CTSH: variants seen among roughly 807,000 people sequenced by gnomAD.
CTSH encodes the protein cathepsin H, also known as pro-cathepsin H.
A neutral mutation model predicts 56.3 loss-of-function variants in CTSH; 52 were observed. That is an observed-to-expected ratio of 0.92 (90% CI 0.74 to 1.16). The LOEUF is 1.16. Among genes scored for constraint, CTSH ranks in the 50% most tolerant of loss-of-function variants. The pLI, the probability that CTSH is intolerant of heterozygous loss-of-function variation, is 0.00. For missense variants in CTSH, 406 were observed against 424.5 expected (o/e 0.96, Z 0.38); for synonymous variants, 174 against 155.7 (o/e 1.12, Z -0.88).
intron 11 of CTSH, 33 bp downstream of exon 11, chr15:78,922,960 C>A (rs60228571): frequency 6.3e-7 from 1 of 1,589,692 alleles, no homozygotes; most frequent in South Asian, 1.2e-5. Flanking sequence ...AGCAACATCC[C>A]CCTCCCAGAA....
chr15:78,922,994 C>CAA lies in CTSH; in HGVS notation c.930_931insTT (p.Gly311LeufsTer85), dbSNP rs752140974. ...AAGTGGGACCTGGGAGCTGCTTACCCGTTCATTCCCCACTGGGGACCCCAA... is the reference window on the plus strand; with the variant it reads ...AAGTGGGACCTGGGAGCTGCTTACCCAAGTTCATTCCCCACTGGGGACCCCAA... On this transcript the variant is annotated frameshift_variant and splice_region_variant, in exon 11 of 12. Coordinates refer to ENST00000220166, the MANE Select transcript of CTSH (RefSeq NM_004390.5). LOFTEE classifies it high-confidence loss of function. 6.2e-7 allele frequency: 1 copy of CAA among 1,607,604 alleles called. No individual in the cohort carries two copies. The highest frequency in any genetic ancestry group is 8.5e-7 in the Non-Finnish European group (1 of 1,178,210).
In CTSH at chr15:78,942,082, C is replaced by T. The variant is rs1384141813; in HGVS notation, c.91+2809G>A. On this transcript the variant is annotated intron_variant, in intron 1 of 11. Coordinates refer to ENST00000220166, the MANE Select transcript of CTSH (RefSeq NM_004390.5). ...CTTATAGGTCAAAGGGCTGGGAAACCCTGCTCAAATAAGCAGCTGGGAATG... is the reference window on the plus strand; with the variant it reads ...CTTATAGGTCAAAGGGCTGGGAAACTCTGCTCAAATAAGCAGCTGGGAATG... Among the ~76,000 whole-genome samples, 6 of 152,050 alleles carry T rather than the reference C, an allele frequency of 3.9e-5. No individual in the cohort carries two copies. The East Asian group carries it at 1.2e-3, about 29-fold the overall frequency.
rs777404519 is a variant in CTSH at position 78,931,435 on chromosome 15, C to T, written c.548+16G>A. 16 of 1,614,216 alleles carry T rather than the reference C, an allele frequency of 9.9e-6. No homozygotes were observed. Among genetic ancestry groups the T allele is most frequent in the Non-Finnish European group, 1.3e-5 (15 of 1,180,048 alleles). On this transcript the variant is annotated intron_variant, in intron 7 of 11. Transcript: ENST00000220166. ...GAAATGAGGAAGTTTTGGGCCCCTT[C>T]TGGTCAGAGACGTACCCTTGGCAGC...
chr15:78,944,772 TC>T (rs3217526), intron 1 of CTSH, 118 bp downstream of exon 1: 38,467 of 1,384,264 alleles, frequency 0.028, 1,069 homozygotes, highest in East Asian at 0.17. Context: ...GTTCCTGGCC[TC>T]TCACCGGGGA....
chr15:78,931,977 C>G, intron 6 of CTSH: 2 of 1,151,146 alleles, frequency 1.7e-6, no homozygotes, highest in Middle Eastern at 3.8e-4. Context: ...CATCATCCGT[C>G]TCTTGTGGGC....
Position 78,939,189 on chromosome 15 carries a change from A to AG in CTSH, c.92-19_92-18insC. The AG allele has an allele frequency of 6.3e-7, 1 of 1,591,418 alleles. No individual in the cohort carries two copies. Among genetic ancestry groups the AG allele is most frequent in the Non-Finnish European group, 8.6e-7 (1 of 1,169,280 alleles). The stretch of plus-strand genomic sequence containing the variant: ...AAACTTCTCTGTAAAAAGAAAAAAA[A>AG]AATTAGGTCTGGGCGCATCACAGTA... On this transcript the variant is annotated intron_variant, in intron 1 of 11. Coordinates refer to ENST00000220166, the MANE Select transcript of CTSH (RefSeq NM_004390.5).
intron 5 of CTSH, among the ~76,000 whole-genome samples, chr15:78,934,218 T>G (rs1306429490): frequency 1.3e-5 from 2 of 152,226 alleles, no homozygotes; most frequent in African/African-American, 4.8e-5. Flanking sequence ...CATGGATGGC[T>G]TTTTGGAAAG....
rs1415029044 is a variant in CTSH at position 78,927,858 on chromosome 15, T to G, written c.631-77A>C. 6.6e-6 allele frequency: 8 copies of G among 1,209,720 alleles called. No individual in the cohort carries two copies. In the African/African-American group the frequency reaches 1.0e-4, roughly 16 times the overall value. 74.9% of individuals were successfully genotyped at this position (1,209,720 alleles called of 1,614,324 possible). On this transcript the variant is annotated intron_variant, in intron 8 of 11. Transcript: ENST00000220166. Reference sequence around the variant, plus strand: ...GCCTCCCCACGCAGTTCAATAACATTTACTAAACAAAACAAGATGTGCCAG... The same window carrying G: ...GCCTCCCCACGCAGTTCAATAACATGTACTAAACAAAACAAGATGTGCCAG...
intron 7 of CTSH, 84 bp downstream of exon 7, chr15:78,931,367 G>A: frequency 6.4e-7 from 1 of 1,566,254 alleles, no homozygotes; most frequent in Non-Finnish European, 8.8e-7. Flanking sequence ...TTATATCTGT[G>A]GCAGACCCAG....
chr15:78,942,716 T>C (rs2055321467), intron 1 of CTSH, among the ~76,000 whole-genome samples: 1 of 152,202 alleles, frequency 6.6e-6, no homozygotes, highest in Non-Finnish European at 1.5e-5. Flanking sequence ...CCCCTTGCCT[T>C]CAGGGGCTCT....
intron 3 of CTSH, 88 bp downstream of exon 3, chr15:78,937,230 C>T (rs895901281): frequency 3.9e-5 from 42 of 1,073,664 alleles, no homozygotes; most frequent in Non-Finnish European, 5.7e-5. Flanking sequence ...CTTCTGCTCC[C>T]TCCACCCACC....
In CTSH at chr15:78,927,758, A is replaced by G. The variant is rs750063810; in HGVS notation, c.654T>C (p.Pro218=). 5.8e-5 allele frequency: 93 copies of G among 1,614,068 alleles called. No individual in the cohort carries two copies. The highest frequency in any genetic ancestry group is 7.5e-5 in the Non-Finnish European group (88 of 1,180,040). ...CCTTGACAAAGCCGATGGCCTTTCCAGGTTGGAACTTGCAATAACCATCCT... is the reference window on the plus strand; with the variant it reads ...CCTTGACAAAGCCGATGGCCTTTCCGGGTTGGAACTTGCAATAACCATCCT... The part of the protein sequence containing the change: ...QGKDGYCKFQ[P]GKAIGFVKDV... Residue 218 remains proline (P), a synonymous_variant, in exon 9 of 12, where the codon CCT becomes CCC. Transcript: ENST00000220166.
At chr15:78,930,154 C>T (rs2055019417) in intron 7 of CTSH, among the ~76,000 whole-genome samples, 1 of 152,228 alleles carries the variant, frequency 6.6e-6, no homozygotes. Context: ...CCAGGGCCTA[C>T]ACACAGCGGG....
chr15:78,929,599 G>T lies in CTSH; in HGVS notation c.549-106C>A. The T allele has an allele frequency of 4.3e-6, 3 of 695,704 alleles. No homozygotes were observed. The South Asian group carries it at 5.9e-5, about 14-fold the overall frequency. 43.1% of individuals were successfully genotyped at this position (695,704 alleles called of 1,614,324 possible). A position where few individuals can be genotyped will look rare whatever the true frequency, so the allele number is the denominator to read the frequency against. On this transcript the variant is annotated intron_variant, in intron 7 of 11. Coordinates refer to ENST00000220166, the MANE Select transcript of CTSH (RefSeq NM_004390.5). ...ATCTGGCCTGGCAGGCTGGGGACTT[G>T]GTTGGGCATGTCCCAGTGGCAGAGG...
rs1406937758 is a variant in CTSH, at chr15:78,931,487, T to A, written c.512A>T (p.Asp171Val). ...GTGATTATTGAAGTCCTGGGCGCAG[T>A]CCACCAGCTGCTGTTCCGCCTGGAA... ...MLSLAEQQLV[D>V]CAQDFNNHGC... The change falls in exon 7 of 12, where the codon GAC (aspartate) becomes GTC (valine). Residue 171 changes from aspartate (D) to valine (V), a missense_variant. Asp to Val is a radical substitution (Grantham distance 152). Transcript: ENST00000220166. 2.5e-6 allele frequency: 4 copies of A among 1,614,218 alleles called. No individual in the cohort carries two copies. The highest frequency in any genetic ancestry group is 2.7e-5 in the African/African-American group (2 of 75,050).
At chr15:78,930,162 G>A (rs76274544) in intron 7 of CTSH, among the ~76,000 whole-genome samples, 2,251 of 152,296 alleles carry the variant, frequency 0.015, 89 homozygotes, top group East Asian at 0.14. Context: ...TACACACAGC[G>A]GGTGCTCTGT....
At chr15:78,941,402 C>T (rs1240247999) in intron 1 of CTSH, among the ~76,000 whole-genome samples, 51 of 110,062 alleles carry the variant, frequency 4.6e-4, no homozygotes, top group African/African-American at 1.6e-3. Context: ...CCAGCCTGGG[C>T]GACAAAGCGA....
rs200999373 is a variant in CTSH, at chr15:78,931,549, C to T, written c.493-43G>A. The T allele has an allele frequency of 6.6e-5, 106 of 1,614,046 alleles. 1 individual carries two copies. The African/African-American group carries it at 1.1e-3, about 17-fold the overall frequency. ...CCCAGTGACCTGCCAGCTGAGAAGC[C>T]GTCAAGGCTTTGGCGTGAGGCGCTA... is the stretch of plus-strand genomic sequence containing the variant. On this transcript the variant is annotated intron_variant, in intron 6 of 11. Coordinates refer to ENST00000220166, the MANE Select transcript of CTSH (RefSeq NM_004390.5).
intron 3 of CTSH, among the ~76,000 whole-genome samples, chr15:78,936,698 C>T (rs1324046493): frequency 1.3e-5 from 2 of 150,896 alleles, no homozygotes; most frequent in Admixed American, 6.6e-5. Context: ...GGCACTATCT[C>T]GGCTCACCGC....
Sources: gnomAD v4.1 joint callset for allele counts (sites outside exome capture counted in the v4.1 genomes callset) on GRCh38, gnomAD v4.1.1 for gene constraint, MANE v1.5 for transcripts, NCBI Gene and HGNC (gene_info 2026-07-23, HGNC 2026-07-21) for gene names.